The following PLCH1 variants were observed in gnomAD, a reference collection of about 807,000 sequenced individuals.
The protein encoded by PLCH1 is 1-phosphatidylinositol 4,5-bisphosphate phosphodiesterase eta-1.
A neutral mutation model predicts 126.7 loss-of-function variants in PLCH1; 60 were observed. That is an observed-to-expected ratio of 0.47 (90% CI 0.38 to 0.59). PLCH1 has a LOEUF of 0.59. Among genes scored for constraint, PLCH1 ranks in the 20% least tolerant of loss-of-function variants. The pLI is 0.00. For synonymous variants in PLCH1, 719 were observed against 734.9 expected, an observed-to-expected ratio of 0.98 and a Z score of 0.35; for missense variants, 1,723 against 2,040.0, an observed-to-expected ratio of 0.84 and a Z score of 2.99.
At chr3:155,659,299 CTTCTTTTTTTTTTTTTTTTTT>C (rs1741819567) in intron 2 of PLCH1, among the ~76,000 whole-genome samples, 1 of 55,448 alleles carries the variant, frequency 1.8e-5, no homozygotes, top group African/African-American at 6.1e-5. Flanking sequence ...TGTCTATTCA[CTTCTTTTTTTTTTTTTTTTTT>C]TTTTTTTTTT....
downstream of PLCH1, among the ~76,000 whole-genome samples, chr3:155,476,445 AGC>A: frequency 6.6e-6 from 1 of 152,142 alleles, no homozygotes; most frequent in Non-Finnish European, 1.5e-5. Flanking sequence ...TTCTAGCTAG[AGC>A]AATCAGACAA....
At position 155,551,338 on chromosome 3, in the gene PLCH1, A is replaced by T. The variant is rs372662465; in HGVS notation, c.1191-1380T>A. Among the ~76,000 whole-genome samples the T allele has an allele frequency of 7.7e-4, 116 of 150,944 alleles. No homozygotes were observed. The South Asian group carries it at 9.3e-3, about 12-fold the overall frequency. ...CACGTGCCGGTAATCCCAGATACTC[A>T]GGAGGCTGAGGCAAGAGAATCGCTT... is the stretch of plus-strand genomic sequence containing the variant. On this transcript the variant is annotated intron_variant, in intron 9 of 22. Coordinates refer to ENST00000460012, the MANE Select transcript of PLCH1 (RefSeq NM_014996.4).
At chr3:155,552,983 T>A (rs1382357195) in intron 9 of PLCH1, among the ~76,000 whole-genome samples, 1 of 152,146 alleles carries the variant, frequency 6.6e-6, no homozygotes, top group Non-Finnish European at 1.5e-5. Context: ...CAAGAGGAAG[T>A]TTGGCAGAAT....
chr3:155,686,633 C>T (rs752351582), intron 2 of PLCH1, among the ~76,000 whole-genome samples: 1 of 152,206 alleles, frequency 6.6e-6, no homozygotes, highest in Non-Finnish European at 1.5e-5. Flanking sequence ...CATCACTGAA[C>T]CTTTCCCAGC....
In PLCH1 at chr3:155,558,453, C is replaced by T. The variant is rs146776744; in HGVS notation, c.1070-4257G>A. ...TAAGGCTCCCGGTAGATGCCTGAAA[C>T]TGCAAAGTACTGAACCTTATACATA... On this transcript the variant is annotated intron_variant, in intron 8 of 22. Coordinates refer to ENST00000460012, the MANE Select transcript of PLCH1 (RefSeq NM_014996.4). Among the ~76,000 whole-genome samples, 874 of 152,308 alleles carry T rather than the reference C, an allele frequency of 5.7e-3. 9 individuals are homozygous for T. The highest frequency in any genetic ancestry group is 0.02 in the African/African-American group (822 of 41,570).
At chr3:155,474,859 T>C (rs1183098917) in intron 21 of PLCH1, among the ~76,000 whole-genome samples, 1 of 121,786 alleles carries the variant, frequency 8.2e-6, no homozygotes, top group Non-Finnish European at 1.6e-5. Flanking sequence ...TTCTCACTCA[T>C]AGGTGGGAGT....
intron 1 of PLCH1, among the ~76,000 whole-genome samples, chr3:155,739,659 G>A (rs932837746): frequency 6.6e-6 from 1 of 152,148 alleles, no homozygotes; most frequent in South Asian, 2.1e-4. Context: ...CAAATTTCCC[G>A]CCTATTACCA....
At chr3:155,740,849 A>G (rs1234112595) in intron 1 of PLCH1, among the ~76,000 whole-genome samples, 1 of 152,210 alleles carries the variant, frequency 6.6e-6, no homozygotes, top group Non-Finnish European at 1.5e-5. Flanking sequence ...TCATTTAGCA[A>G]CTTTGGGCCC....
intron 1 of PLCH1, among the ~76,000 whole-genome samples, chr3:155,729,065 G>A (rs1288805669): frequency 6.6e-6 from 1 of 152,160 alleles, no homozygotes; most frequent in Non-Finnish European, 1.5e-5. Context: ...TTTAAATAGT[G>A]GAAATGGATT....
chr3:155,514,348 C>T (rs1478258905), intron 12 of PLCH1, among the ~76,000 whole-genome samples: 1 of 152,074 alleles, frequency 6.6e-6, no homozygotes, highest in Non-Finnish European at 1.5e-5. Flanking sequence ...GCCTGAAGAG[C>T]CCTCAGCCCT....
chr3:155,557,709 G>T (rs1020914963), intron 8 of PLCH1, among the ~76,000 whole-genome samples: 1 of 152,152 alleles, frequency 6.6e-6, no homozygotes, highest in Non-Finnish European at 1.5e-5. Context: ...GCTCATAAAA[G>T]AGCCGGGGCC....
At chr3:155,730,897 G>A (rs925432258) in intron 1 of PLCH1, among the ~76,000 whole-genome samples, 3 of 152,144 alleles carry the variant, frequency 2.0e-5, no homozygotes, top group African/African-American at 7.2e-5. Flanking sequence ...AATGGACATT[G>A]CCTTACACCC....
chr3:155,653,870 A>G (rs9838305), intron 2 of PLCH1, among the ~76,000 whole-genome samples: 50,704 of 151,734 alleles, frequency 0.33, 10,826 homozygotes, highest in African/African-American at 0.62. Context: ...TGTCAAAACT[A>G]CCTTAAAAAA....
intron 19 of PLCH1, among the ~76,000 whole-genome samples, chr3:155,489,697 A>G (rs1272659116): frequency 6.6e-6 from 1 of 152,248 alleles, no homozygotes; most frequent in Non-Finnish European, 1.5e-5. Flanking sequence ...ATGCAAAAAT[A>G]CATTTACTTG....
intron 2 of PLCH1, among the ~76,000 whole-genome samples, chr3:155,610,381 A>AAAAC (rs1320953441): frequency 2.0e-5 from 3 of 149,892 alleles, no homozygotes; most frequent in Non-Finnish European, 4.4e-5. Context: ...AAAAAAAAAA[A>AAAAC]AAAAAAAACC....
rs1577098419 is a variant in PLCH1, at chr3:155,596,521, G to T, written c.80-143C>A. The T allele has an allele frequency of 7.9e-6, 4 of 507,376 alleles. No individual in the cohort carries two copies. In the East Asian group the frequency reaches 1.4e-4, roughly 18 times the overall value. 31.4% of individuals were successfully genotyped at this position (507,376 alleles called of 1,614,324 possible). ...AAATTTGGTAGAGGTAATCTGAAAA[G>T]TGAGTTGTTAAGGAATTGATTCAAC... On this transcript the variant is annotated intron_variant, in intron 2 of 22. Coordinates refer to ENST00000460012, the MANE Select transcript of PLCH1 (RefSeq NM_014996.4).
chr3:155,635,547 C>T (rs1738617969), intron 2 of PLCH1, among the ~76,000 whole-genome samples: 1 of 152,224 alleles, frequency 6.6e-6, no homozygotes, highest in African/African-American at 2.4e-5. Context: ...TATCCCATAT[C>T]TCAAAACAAA....
chr3:155,508,963 G>A lies in PLCH1; in HGVS notation c.1633-4337C>T, dbSNP rs866542529. On this transcript the variant is annotated intron_variant, in intron 12 of 22. Transcript: ENST00000460012. ...CCTCCTTGTACCTCTGGTAGAATTC[G>A]GCTGTGAATCCATCTGGTCCTGGAC... is the stretch of plus-strand genomic sequence containing the variant. 5.0e-3 allele frequency among the ~76,000 whole-genome samples: 557 copies of A among 112,028 alleles called. 27 individuals carry two copies. Among genetic ancestry groups the A allele is most frequent in the African/African-American group, 0.024 (534 of 22,232 alleles). The allele number at this position is 112,028 out of a possible 152,430, so 73.5% of individuals were successfully genotyped here. A position where few individuals can be genotyped will look rare whatever the true frequency, so the allele number is the denominator to read the frequency against.
chr3:155,681,890 T>G lies in PLCH1; in HGVS notation c.79+22256A>C, dbSNP rs145706713. On this transcript the variant is annotated intron_variant, in intron 2 of 22. Coordinates refer to ENST00000460012, the MANE Select transcript of PLCH1 (RefSeq NM_014996.4). ...TTTTACTACCACTGAGGCATTGTCC[T>G]GTCTGAACCCCTGCTTAGTCTTAAG... is the stretch of plus-strand genomic sequence containing the variant. Among the ~76,000 whole-genome samples, 1,522 of 152,302 alleles carry G rather than the reference T, an allele frequency of 1.0e-2. 35 individuals are homozygous for G. The highest frequency in any genetic ancestry group is 0.034 in the African/African-American group (1,411 of 41,554).
Sources: gnomAD v4.1 joint callset for allele counts (sites outside exome capture counted in the v4.1 genomes callset) on GRCh38, gnomAD v4.1.1 for gene constraint, MANE v1.5 for transcripts, NCBI Gene and HGNC (gene_info 2026-07-23, HGNC 2026-07-21) for gene names.